The following TMEM192 variants were observed in gnomAD, a reference collection of about 807,000 sequenced individuals.
The protein encoded by TMEM192 is transmembrane protein 192.
In TMEM192, 20 loss-of-function variants were observed where a neutral mutation model predicts 26.7. That is an observed-to-expected ratio of 0.75 (90% CI 0.53 to 1.09). The LOEUF (loss-of-function observed/expected upper bound fraction) is 1.09, where lower values mean the gene tolerates loss of function less well. TMEM192 is among the 50% of genes least tolerant of loss of function. The probability of loss-of-function intolerance (pLI) is 0.00; values close to 1 mark genes in which losing one functional copy is unlikely to be tolerated. For synonymous variants in TMEM192, 124 were observed against 121.0 expected (o/e 1.02, Z -0.16); for missense variants, 304 against 322.6 (o/e 0.94, Z 0.44).
chr4:165,111,776 C>T (rs560548818), intron 1 of TMEM192: 7 of 152,262 alleles, frequency 4.6e-5, no homozygotes, highest in South Asian at 2.1e-4. Flanking sequence ...TCTAAGCTAC[C>T]GTAATGCTGG....
At chr4:165,093,460 A>G (rs771290836) in intron 3 of TMEM192, among the ~76,000 whole-genome samples, 29 of 152,192 alleles carry the variant, frequency 1.9e-4, no homozygotes, top group Non-Finnish European at 3.5e-4. Flanking sequence ...CAGAGAAATG[A>G]AAGAGTTTTC....
chr4:165,100,604 T>C (rs760383407), intron 3 of TMEM192, 24 bp downstream of exon 3: 1 of 1,602,566 alleles, frequency 6.2e-7, no homozygotes, highest in Non-Finnish European at 8.5e-7. Flanking sequence ...AGCACCCAAG[T>C]AGCTGAGAGA....
intron 2 of TMEM192, among the ~76,000 whole-genome samples, chr4:165,101,274 C>A (rs1735034433): frequency 6.6e-6 from 1 of 152,176 alleles, no homozygotes; most frequent in Non-Finnish European, 1.5e-5. Context: ...CCGCACCCGG[C>A]TTCCCAGCAT....
At chr4:165,092,337 A>C (rs1199360414) in intron 3 of TMEM192, among the ~76,000 whole-genome samples, 1 of 151,806 alleles carries the variant, frequency 6.6e-6, no homozygotes, top group East Asian at 1.9e-4. Context: ...AGCCAGACTG[A>C]TCTTGAACTT....
At chr4:165,100,452 C>T (rs1271574740) in intron 3 of TMEM192, among the ~76,000 whole-genome samples, 176 bp downstream of exon 3, 1 of 152,136 alleles carries the variant, frequency 6.6e-6, no homozygotes, top group Non-Finnish European at 1.5e-5. Flanking sequence ...GCCACCGCAC[C>T]CGGCCAAGAA....
At position 165,090,910 on chromosome 4, in the gene TMEM192, C is replaced by CAAAAA. The variant is rs70952700; in HGVS notation, c.440-2313_440-2309dup. Among the ~76,000 whole-genome samples the CAAAAA allele has an allele frequency of 2.9e-4, 15 of 51,022 alleles. 6 individuals are homozygous for CAAAAA. The highest frequency in any genetic ancestry group is 8.2e-4 in the East Asian group (1 of 1,224). The allele number at this position is 51,022 out of a possible 152,430, so 33.5% of individuals were successfully genotyped here. On this transcript the variant is annotated intron_variant, in intron 3 of 5. Coordinates refer to ENST00000306480, the MANE Select transcript of TMEM192 (RefSeq NM_001100389.2). ...TGGGCGACGGAGAGAGACTCTGTCT[C>CAAAAA]AAAAAAAAAAAAAAAAAAAGGTCAT...
chr4:165,088,745 A>T (rs1279972252), intron 3 of TMEM192, 143 bp from the exon 4 acceptor site: 1 of 821,644 alleles, frequency 1.2e-6, no homozygotes, highest in Non-Finnish European at 1.8e-6. Context: ...AGCCTTCAGA[A>T]ATGAAGACCC....
intron 3 of TMEM192, among the ~76,000 whole-genome samples, chr4:165,093,266 T>G (rs899957175): frequency 2.0e-5 from 3 of 151,754 alleles, no homozygotes; most frequent in Non-Finnish European, 2.9e-5. Context: ...CTGGCTAATT[T>G]TTGTGTTTTT....
rs1385190659 is a variant in TMEM192 at position 165,102,271 on chromosome 4, T to TTCTGCA, written c.174+673_174+678dup. Among the ~76,000 whole-genome samples, 4 of 152,310 alleles carry TTCTGCA rather than the reference T, an allele frequency of 2.6e-5. No individual in the cohort carries two copies. In the East Asian group the frequency reaches 7.7e-4, roughly 29 times the overall value. On this transcript the variant is annotated intron_variant, in intron 2 of 5. Transcript: ENST00000306480. The stretch of plus-strand genomic sequence containing the variant: ...TTCCTGTGTCAACATATGTAGACTT[T>TTCTGCA]TCTGCATCTTTTTTGTAACTGAAAA...
intron 4 of TMEM192, among the ~76,000 whole-genome samples, chr4:165,088,219 T>C (rs541082160): frequency 1.3e-5 from 2 of 152,252 alleles, no homozygotes; most frequent in East Asian, 3.9e-4. Context: ...CCCAAAAAGT[T>C]TGTGTCTTGT....
chr4:165,095,449 A>G (rs1388288217), intron 3 of TMEM192, among the ~76,000 whole-genome samples: 1 of 152,172 alleles, frequency 6.6e-6, no homozygotes. Context: ...CATTTCTACA[A>G]GTCAACTAAG....
intron 1 of TMEM192, among the ~76,000 whole-genome samples, chr4:165,110,355 C>T (rs146254394): frequency 3.3e-5 from 5 of 152,236 alleles, no homozygotes; most frequent in African/African-American, 1.2e-4. Context: ...CCTTCCTCCT[C>T]CTCTGCTCTA....
chr4:165,085,621 A>C lies in TMEM192; in HGVS notation c.642T>G (p.Ala214=). ...TCTCCGAGGTAATATTGCTGGGGTAAGCATAGATTTTTTCTTCTTCAAGTA... is the reference window on the plus strand; with the variant it reads ...TCTCCGAGGTAATATTGCTGGGGTACGCATAGATTTTTTCTTCTTCAAGTA... ...PDILEEEKIY[A]YPSNITSETG... The change falls in exon 5 of 6, where the codon GCT becomes GCG. Residue 214 remains alanine (A), a synonymous_variant. Coordinates refer to ENST00000306480, the MANE Select transcript of TMEM192 (RefSeq NM_001100389.2). 1 of 1,612,814 alleles carries C rather than the reference A, an allele frequency of 6.2e-7. No homozygotes were observed. Among genetic ancestry groups the C allele is most frequent in the Non-Finnish European group, 8.5e-7 (1 of 1,179,596 alleles).
chr4:165,088,698 G>C, intron 3 of TMEM192, 96 bp from the exon 4 acceptor site: 1 of 1,246,316 alleles, frequency 8.0e-7, no homozygotes, highest in South Asian at 1.7e-5. Flanking sequence ...TCCTTACACA[G>C]AGCTCCTAAA....
intron 5 of TMEM192, among the ~76,000 whole-genome samples, chr4:165,085,261 A>C (rs1438660331): frequency 1.4e-5 from 2 of 139,534 alleles, no homozygotes; most frequent in Non-Finnish European, 3.1e-5. Context: ...CAACAAGAGC[A>C]AAACTCCATC....
At position 165,103,238 on chromosome 4, in the gene TMEM192, T is replaced by A. The variant is rs563097634; in HGVS notation, c.28-142A>T. The A allele has an allele frequency of 1.1e-4, 54 of 481,602 alleles. 1 individual carries two copies. The highest frequency in any genetic ancestry group is 4.9e-4 in the East Asian group (12 of 24,464). 29.8% of individuals were successfully genotyped at this position (481,602 alleles called of 1,614,324 possible). ...CATTGCCTACCTGAATCCAATTTTTTAAAAATTAATTATTAATTTAATTTA... is the reference window on the plus strand; with the variant it reads ...CATTGCCTACCTGAATCCAATTTTTAAAAAATTAATTATTAATTTAATTTA... On this transcript the variant is annotated intron_variant, in intron 1 of 5. Transcript: ENST00000306480.
At chr4:165,081,406 C>T (rs560218325) in intron 5 of TMEM192, among the ~76,000 whole-genome samples, 6 of 142,992 alleles carry the variant, frequency 4.2e-5, no homozygotes, top group Admixed American at 7.2e-5. Context: ...TTTTTTGAGA[C>T]GGAAACTTGC....
chr4:165,112,682 C>T, intron 1 of TMEM192, 65 bp downstream of exon 1: 1 of 1,597,694 alleles, frequency 6.3e-7, no homozygotes, highest in Non-Finnish European at 8.5e-7. Flanking sequence ...GTCTCCGCCC[C>T]GTGCGCCCCG....
chr4:165,078,682 T>C lies in TMEM192; in HGVS notation c.*976A>G, dbSNP rs978376312. 2 of 152,266 alleles carry C rather than the reference T, an allele frequency of 1.3e-5. No individual in the cohort carries two copies. Among genetic ancestry groups the C allele is most frequent in the Non-Finnish European group, 2.9e-5 (2 of 68,046 alleles). 9.4% of individuals were successfully genotyped at this position (152,266 alleles called of 1,614,324 possible). ...AATTCTTCTCTGAATTTTTCAGCTA[T>C]TGCTAATGGAAGGTGCTGCCAATAT... On this transcript the variant is annotated 3_prime_UTR_variant, in exon 6 of 6. Coordinates refer to ENST00000306480, the MANE Select transcript of TMEM192 (RefSeq NM_001100389.2).
Sources: gnomAD v4.1 joint callset for allele counts (sites outside exome capture counted in the v4.1 genomes callset) on GRCh38, gnomAD v4.1.1 for gene constraint, MANE v1.5 for transcripts, NCBI Gene and HGNC (gene_info 2026-07-23, HGNC 2026-07-21) for gene names.